RRM2: variants seen among roughly 807,000 people sequenced by gnomAD.
The protein encoded by RRM2 is ribonucleoside-diphosphate reductase subunit M2.
Under a neutral mutation model 45.9 loss-of-function variants are expected in RRM2, and 6 were observed. The observed-to-expected ratio is 0.13, with a 90% confidence interval of 0.07 to 0.26. RRM2 has a LOEUF of 0.26. RRM2 is among the 10% of genes least tolerant of loss of function. The pLI is 1.00. For synonymous variants in RRM2, 177 were observed against 173.0 expected (o/e 1.02, Z -0.18); for missense variants, 343 against 489.5 (o/e 0.70, Z 2.82).
At chr2:10,146,880 ATTCT>A (rs1663198067) in intron 3 of RRM2, among the ~76,000 whole-genome samples, 1 of 152,134 alleles carries the variant, frequency 6.6e-6, no homozygotes, top group East Asian at 1.9e-4. Context: ...CTTTTTGTGT[ATTCT>A]TTCTATCTAC....
chr2:10,156,675 G>C (rs1663432723), intron 3 of RRM2, among the ~76,000 whole-genome samples: 1 of 152,228 alleles, frequency 6.6e-6, no homozygotes, highest in Non-Finnish European at 1.5e-5. Flanking sequence ...CAGGGTCTCT[G>C]TCACCTAGGC....
At chr2:10,190,406 TG>T in intron 3 of RRM2, among the ~76,000 whole-genome samples, 1 of 139,456 alleles carries the variant, frequency 7.2e-6, no homozygotes, top group South Asian at 2.5e-4. Context: ...GTGGTGATGG[TG>T]GTGATGGGGG....
chr2:10,178,850 A>G (rs1387708774), intron 3 of RRM2, among the ~76,000 whole-genome samples: 1 of 152,152 alleles, frequency 6.6e-6, no homozygotes, highest in Non-Finnish European at 1.5e-5. Context: ...TAATGCCCTT[A>G]TAAGAGAGGT....
At chr2:10,140,405 G>A (rs1272599524), upstream of RRM2, among the ~76,000 whole-genome samples, 1 of 152,236 alleles carries the variant, frequency 6.6e-6, no homozygotes, top group Non-Finnish European at 1.5e-5. Context: ...ATAAGAGACT[G>A]GAATAGCTGC....
intron 3 of RRM2, among the ~76,000 whole-genome samples, chr2:10,198,439 G>T (rs1408855435): frequency 3.3e-5 from 5 of 149,446 alleles, no homozygotes; most frequent in Admixed American, 6.7e-5. Context: ...GTCTCGTGCT[G>T]TTGCCCAGCC....
At chr2:10,210,473 G>T (rs7423163) in exon 4 of RRM2, 20 of 1,367,712 alleles carry the variant, frequency 1.5e-5, no homozygotes, top group Admixed American at 1.3e-4. Context: ...TTATCTGGGT[G>T]GGAACTCACC....
chr2:10,129,668 C>T lies in RRM2; in HGVS notation c.*282C>T, dbSNP rs1277958451. ...TGACCCTTTAGTGAGCTTAGCACAG[C>T]GGGATTAAACAGTCCTTTAACCAGC... On this transcript the variant is annotated 3_prime_UTR_variant, in exon 10 of 10. Coordinates refer to ENST00000304567, the MANE Select transcript of RRM2 (RefSeq NM_001034.4). This position sits in a 1 kb window ranked among gnomAD's most constrained non-coding sequence, Gnocchi z 4.8. 3.6e-5 allele frequency: 13 copies of T among 364,732 alleles called. No individual in the cohort carries two copies. The highest frequency in any genetic ancestry group is 2.0e-4 in the South Asian group (3 of 15,036). 22.6% of individuals were successfully genotyped at this position (364,732 alleles called of 1,614,324 possible). A position where few individuals can be genotyped will look rare whatever the true frequency, so the allele number is the denominator to read the frequency against.
intron 3 of RRM2, among the ~76,000 whole-genome samples, chr2:10,191,954 A>G (rs1416869265): frequency 6.6e-6 from 1 of 152,130 alleles, no homozygotes; most frequent in Non-Finnish European, 1.5e-5. Flanking sequence ...CCCTTGAGGA[A>G]TCTGCACACG....
chr2:10,177,885 G>A (rs1663963650), intron 3 of RRM2, among the ~76,000 whole-genome samples: 1 of 150,466 alleles, frequency 6.6e-6, no homozygotes. Context: ...GCCTCACAAA[G>A]TGCTGGGATT....
At position 10,171,936 on chromosome 2, in the gene RRM2, A is replaced by T. The variant is rs1377873616; in HGVS notation, n.482+29561A>T. On this transcript the variant is annotated intron_variant and non_coding_transcript_variant, in intron 3 of 3. Coordinates refer to the RRM2 transcript ENST00000381786. The surrounding 1 kb of genome is among the most constrained non-coding windows in gnomAD (Gnocchi z 4.1). ...AAGACAGGAGCTGTGAGGTGTCCCC[A>T]CCTGTCCAGAGGCTGGGAAAACTTA... is the stretch of plus-strand genomic sequence containing the variant. 6.6e-6 allele frequency among the ~76,000 whole-genome samples: 1 copy of T among 152,156 alleles called. No individual in the cohort carries two copies. The highest frequency in any genetic ancestry group is 2.4e-5 in the African/African-American group (1 of 41,434).
chr2:10,210,397 C>T (rs764199842), exon 4 of RRM2: 1 of 1,367,852 alleles, frequency 7.3e-7, no homozygotes, highest in Non-Finnish European at 9.8e-7. Context: ...GTGGTGCTCA[C>T]AGCAAGACAC....
At chr2:10,180,437 C>T (rs1664022328) in intron 3 of RRM2, among the ~76,000 whole-genome samples, 1 of 152,236 alleles carries the variant, frequency 6.6e-6, no homozygotes, top group Non-Finnish European at 1.5e-5. Flanking sequence ...TCATTATTCA[C>T]CCTCGCTGCA....
At chr2:10,142,177 A>G (rs1663097726) in intron 2 of RRM2, 3 of 1,553,616 alleles carry the variant, frequency 1.9e-6, no homozygotes, top group Non-Finnish European at 2.6e-6. Flanking sequence ...GGGGTGGGAG[A>G]TGGGGCTGGG....
At chr2:10,161,651 TACACTCACACTCATGCAC>T (rs1318885097) in intron 3 of RRM2, among the ~76,000 whole-genome samples, 1 of 151,196 alleles carries the variant, frequency 6.6e-6, no homozygotes, top group African/African-American at 2.4e-5. Context: ...CACTCACACA[TACACTCACACTCATGCAC>T]ACACACACAT....
Position 10,130,590 on chromosome 2 carries a change from TA to T in RRM2, c.*1205del. 6.6e-6 allele frequency: 1 copy of T among 152,236 alleles called. No homozygotes were observed. Among genetic ancestry groups the T allele is most frequent in the South Asian group, 2.1e-4 (1 of 4,824 alleles). The allele number at this position is 152,236 out of a possible 1,614,324, so 9.4% of individuals were successfully genotyped here. ...TTAGTAGGAAACCATGAGCTGTTAA[TA>T]CAGTTTCCATTCAAATATTAATTTC... On this transcript the variant is annotated 3_prime_UTR_variant, in exon 10 of 10. Coordinates refer to ENST00000304567, the MANE Select transcript of RRM2 (RefSeq NM_001034.4).
chr2:10,150,560 G>A (rs914865170), intron 3 of RRM2, among the ~76,000 whole-genome samples: 26 of 149,356 alleles, frequency 1.7e-4, no homozygotes, highest in Admixed American at 6.0e-4. Flanking sequence ...AATAAACTGC[G>A]CCTATTGAAT....
Position 10,127,011 on chromosome 2 carries a change from T to G in RRM2, c.664+42T>G. 1 of 1,611,768 alleles carries G rather than the reference T, an allele frequency of 6.2e-7. No individual in the cohort carries two copies. The highest frequency in any genetic ancestry group is 8.5e-7 in the Non-Finnish European group (1 of 1,178,242). ...CCCTACTTAAACCTGAGCTTCATTT[T>G]CCAAGTAATGTTACTGGATTTTTGG... On this transcript the variant is annotated intron_variant, in intron 6 of 9. Transcript: ENST00000304567. This position sits in a 1 kb window ranked among gnomAD's most constrained non-coding sequence, Gnocchi z 4.1.
chr2:10,156,081 C>G (rs1417464084), intron 3 of RRM2: 1 of 152,282 alleles, frequency 6.6e-6, no homozygotes, highest in Non-Finnish European at 1.5e-5. Flanking sequence ...GTAAGCCCCT[C>G]TAGACCTTGG....
At chr2:10,153,004 C>T (rs1007864513) in intron 3 of RRM2, among the ~76,000 whole-genome samples, 2 of 152,086 alleles carry the variant, frequency 1.3e-5, no homozygotes, top group African/African-American at 2.4e-5. Flanking sequence ...TCACATTAGC[C>T]ACGATATGGA....
Sources: gnomAD v4.1 joint callset for allele counts (sites outside exome capture counted in the v4.1 genomes callset) on GRCh38, gnomAD v4.1.1 for gene constraint, Gnocchi (gnomAD v3.1) non-coding constraint, MANE v1.5 for transcripts, NCBI Gene and HGNC (gene_info 2026-07-23, HGNC 2026-07-21) for gene names.